SAMD12: variants seen among roughly 807,000 people sequenced by gnomAD.
The protein encoded by SAMD12 is sterile alpha motif domain-containing protein 12.
In SAMD12, 9 loss-of-function variants were observed where a neutral mutation model predicts 15.0. That is an observed-to-expected ratio of 0.60 (90% CI 0.36 to 1.05). The LOEUF (loss-of-function observed/expected upper bound fraction) is 1.05. Ranked by LOEUF, SAMD12 falls within the 50% of genes least tolerant of loss-of-function variation. The pLI is 0.01. For synonymous variants in SAMD12, 86 were observed against 90.1 expected (o/e 0.96, Z 0.25); for missense variants, 230 against 234.2 (o/e 0.98, Z 0.12).
chr8:118,373,983 A>AT (rs57638382), downstream of SAMD12, among the ~76,000 whole-genome samples: 35 of 150,330 alleles, frequency 2.3e-4, no homozygotes, highest in Admixed American at 6.0e-4. Context: ...TGGGCTAGCA[A>AT]TTTTTTTTTT....
intron 1 of SAMD12, among the ~76,000 whole-genome samples, chr8:118,607,551 G>A (rs1387487592): frequency 6.6e-6 from 1 of 152,090 alleles, no homozygotes; most frequent in East Asian, 1.9e-4. Flanking sequence ...TCCTAATTAG[G>A]ATTTTTAGGC....
chr8:118,502,068 G>A (rs2131042944), intron 2 of SAMD12, among the ~76,000 whole-genome samples: 1 of 151,890 alleles, frequency 6.6e-6, no homozygotes, highest in East Asian at 1.9e-4. Flanking sequence ...AGCAGGGCTA[G>A]GGTGGGGGCC....
intron 2 of SAMD12, among the ~76,000 whole-genome samples, chr8:118,539,839 GA>G (rs1825941791): frequency 6.6e-6 from 1 of 152,114 alleles, no homozygotes; most frequent in African/African-American, 2.4e-5. Flanking sequence ...GATGAAAAGG[GA>G]AAAAAGATAT....
chr8:118,333,930 C>CTG (rs4053435), intron 4 of SAMD12, among the ~76,000 whole-genome samples: 63 of 104,584 alleles, frequency 6.0e-4, no homozygotes, highest in East Asian at 1.1e-3. Context: ...GGGGGTATGT[C>CTG]TGTGTGTGTG....
Position 118,265,930 on chromosome 8 carries a change from C to A in SAMD12, c.434-68198G>T, listed in dbSNP as rs113808404. On this transcript the variant is annotated intron_variant, in intron 4 of 4. Transcript: ENST00000409003. ...ATAAGACAATAAGGTACATGAATAT[C>A]ACCTTTTATTAGTCCATTTTCACAC... is the stretch of plus-strand genomic sequence containing the variant. Among the ~76,000 whole-genome samples, 337 of 152,140 alleles carry A rather than the reference C, an allele frequency of 2.2e-3. 1 individual carries two copies. The highest frequency in any genetic ancestry group is 7.1e-3 in the African/African-American group (294 of 41,504).
chr8:118,255,131 G>A (rs945027030), intron 4 of SAMD12, among the ~76,000 whole-genome samples: 1 of 151,866 alleles, frequency 6.6e-6, no homozygotes, highest in African/African-American at 2.4e-5. Flanking sequence ...ACAGACCGTG[G>A]GGGCAGACTA....
At chr8:118,345,423 G>A (rs183372298) in intron 4 of SAMD12, among the ~76,000 whole-genome samples, 1 of 152,280 alleles carries the variant, frequency 6.6e-6, no homozygotes, top group East Asian at 1.9e-4. Context: ...ACGCGCTAAG[G>A]TATATGGTAG....
In SAMD12 at chr8:118,595,836, A is replaced by AT. The variant is rs918928226; in HGVS notation, c.14-14944dup. ...ACAGTAAGATTGTCAGAAGTACATT[A>AT]TTTTTTTACAGTACAGACAGACTTC... On this transcript the variant is annotated intron_variant, in intron 1 of 3. Coordinates refer to ENST00000314727, the MANE Select transcript of SAMD12 (RefSeq NM_207506.3). 9.9e-5 allele frequency among the ~76,000 whole-genome samples: 15 copies of AT among 152,230 alleles called. No individual in the cohort carries two copies. In the South Asian group the frequency reaches 1.0e-3, roughly 11 times the overall value.
intron 2 of SAMD12, among the ~76,000 whole-genome samples, chr8:118,547,613 C>CT (rs1281676386): frequency 6.6e-6 from 1 of 151,916 alleles, no homozygotes; most frequent in East Asian, 1.9e-4. Flanking sequence ...ACACTGCTGT[C>CT]TGCTAAGAGA....
intron 4 of SAMD12, among the ~76,000 whole-genome samples, chr8:118,287,387 AG>A (rs1814108539): frequency 6.6e-6 from 1 of 152,000 alleles, no homozygotes; most frequent in Non-Finnish European, 1.5e-5. Context: ...GGCCTCCCAA[AG>A]GGCTGGAATT....
chr8:118,589,949 T>C (rs1260322039), intron 1 of SAMD12, among the ~76,000 whole-genome samples: 1 of 152,122 alleles, frequency 6.6e-6, no homozygotes, highest in African/African-American at 2.4e-5. Context: ...TGATGGACAT[T>C]ATATATGAGA....
At position 118,580,034 on chromosome 8, in the gene SAMD12, C is replaced by T. The variant is rs988226879; in HGVS notation, c.192+681G>A. Among the ~76,000 whole-genome samples, 13 of 152,214 alleles carry T rather than the reference C, an allele frequency of 8.5e-5. 1 individual carries two copies. The highest frequency in any genetic ancestry group is 8.3e-4 in the South Asian group (4 of 4,826). On this transcript the variant is annotated intron_variant, in intron 2 of 3. Coordinates refer to ENST00000314727, the MANE Select transcript of SAMD12 (RefSeq NM_207506.3). ...GCCTATTTTGTCAGTTCTCTGTTAC[C>T]TATGTTTAGGTTAAAGACTGAAAAG...
At chr8:118,454,674 T>C (rs1299973896) in intron 2 of SAMD12, among the ~76,000 whole-genome samples, 2 of 152,336 alleles carry the variant, frequency 1.3e-5, no homozygotes, top group African/African-American at 4.8e-5. Context: ...AATTTTTAAT[T>C]GTACAGTTCA....
At chr8:118,431,706 G>A (rs61386548) in intron 3 of SAMD12, among the ~76,000 whole-genome samples, 13 of 143,500 alleles carry the variant, frequency 9.1e-5, no homozygotes, top group African/African-American at 3.3e-4. Context: ...GTGTGTGTGT[G>A]TGTGTGTGTG....
chr8:118,569,757 C>T (rs140971718), intron 2 of SAMD12, among the ~76,000 whole-genome samples: 11 of 152,288 alleles, frequency 7.2e-5, no homozygotes, highest in African/African-American at 1.9e-4. Context: ...ACTCAGCTGG[C>T]ACCTTGATCT....
intron 3 of SAMD12, among the ~76,000 whole-genome samples, chr8:118,402,954 C>T (rs902973462): frequency 6.6e-6 from 1 of 152,130 alleles, no homozygotes; most frequent in South Asian, 2.1e-4. Context: ...AATAGAGAAG[C>T]CAGCCAGAAT....
intron 4 of SAMD12, among the ~76,000 whole-genome samples, chr8:118,308,574 T>C (rs750303633): frequency 6.6e-6 from 1 of 152,206 alleles, no homozygotes; most frequent in Non-Finnish European, 1.5e-5. Flanking sequence ...AGGGCCATCA[T>C]CACACAATAT....
At chr8:118,548,384 T>TAC (rs36228827) in intron 2 of SAMD12, among the ~76,000 whole-genome samples, 5,422 of 139,804 alleles carry the variant, frequency 0.039, 101 homozygotes, top group Middle Eastern at 0.067. Context: ...AAAACACACA[T>TAC]ACACACACAC....
intron 4 of SAMD12, among the ~76,000 whole-genome samples, chr8:118,347,079 C>A (rs1257882681): frequency 6.6e-6 from 1 of 152,186 alleles, no homozygotes; most frequent in East Asian, 1.9e-4. Flanking sequence ...GCACGTGCCA[C>A]CATGCCTGGT....
Sources: allele counts gnomAD v4.1 joint callset (sites outside exome capture counted in the v4.1 genomes callset), GRCh38; gene constraint gnomAD v4.1.1; transcripts MANE v1.5; gene names NCBI Gene and HGNC (gene_info 2026-07-23, HGNC 2026-07-21).